NDRG2: variants seen among roughly 807,000 people sequenced by gnomAD.
NDRG2 encodes the protein NDRG family member 2.
A neutral mutation model predicts 58.2 loss-of-function variants in NDRG2; 34 were observed. The ratio of observed to expected loss-of-function variants is 0.58; its 90% CI spans 0.44 to 0.78. NDRG2 has a LOEUF of 0.78. Among genes scored for constraint, NDRG2 ranks in the 30% least tolerant of loss-of-function variants. The probability of loss-of-function intolerance (pLI) is 0.00; values close to 1 mark genes in which losing one functional copy is unlikely to be tolerated. For synonymous variants in NDRG2, 187 were observed against 175.9 expected (o/e 1.06, Z -0.50); for missense variants, 434 against 471.2 (o/e 0.92, Z 0.73).
At chr14:21,023,462 G>T (rs1881965758) in intron 1 of NDRG2, 141 bp from the exon 2 acceptor site, 1 of 687,332 alleles carries the variant, frequency 1.5e-6, no homozygotes, top group Admixed American at 2.6e-5. Context: ...AACACACAGA[G>T]GGCCTTTCCT....
intron 1 of NDRG2, chr14:21,032,483 A>G (rs1884288448): frequency 2.7e-6 from 1 of 375,470 alleles, no homozygotes; most frequent in South Asian, 2.0e-5. Flanking sequence ...GACTATGACT[A>G]TATCACATAT....
intron 1 of NDRG2, among the ~76,000 whole-genome samples, chr14:21,046,118 A>T (rs1185361755): frequency 1.3e-5 from 2 of 152,224 alleles, no homozygotes; most frequent in Non-Finnish European, 2.9e-5. Flanking sequence ...CAATTCTAAA[A>T]AGAGTAATTA....
At chr14:21,023,214 C>G in intron 2 of NDRG2, 27 bp downstream of exon 2, 1 of 1,602,312 alleles carries the variant, frequency 6.2e-7, no homozygotes. Context: ...GGAATTTGGG[C>G]ATGGGAGTCA....
rs538218638 is a variant in NDRG2 at position 21,057,174 on chromosome 14, C to T, written c.24+13654G>A. Among the ~76,000 whole-genome samples the T allele has an allele frequency of 7.8e-4, 119 of 152,282 alleles. 1 individual carries two copies. The highest frequency in any genetic ancestry group is 2.8e-3 in the African/African-American group (115 of 41,554). On this transcript the variant is annotated intron_variant, in intron 1 of 14. Transcript: ENST00000403829. ...TCTTAACCGGGCGCGGTGGCTCACG[C>T]CTGTAATCCCAGCACTTTGGGAGGC...
At chr14:21,020,943 G>T in intron 6 of NDRG2, 99 bp from the exon 7 acceptor site, 2 of 1,332,268 alleles carry the variant, frequency 1.5e-6, no homozygotes, top group Non-Finnish European at 1.1e-6. Flanking sequence ...CTGAGTCCAC[G>T]GGCACAAAGA....
chr14:21,030,784 T>C, upstream of NDRG2: 1 of 1,608,940 alleles, frequency 6.2e-7, no homozygotes, highest in Non-Finnish European at 8.5e-7. Flanking sequence ...GAGGTGGGGG[T>C]GAGAAGAACC....
chr14:21,058,045 C>T (rs752532572), intron 1 of NDRG2: 3 of 1,614,156 alleles, frequency 1.9e-6, no homozygotes, highest in Non-Finnish European at 2.5e-6. Flanking sequence ...AAGCATGCAA[C>T]TCAGCCATGA....
At chr14:21,022,308 C>T in intron 4 of NDRG2, 84 bp downstream of exon 4, 2 of 1,568,904 alleles carry the variant, frequency 1.3e-6, no homozygotes, top group Non-Finnish European at 1.8e-6. Context: ...CACACTGACC[C>T]CTCCCCTCCC....
chr14:21,065,162 T>A (rs1264905877), intron 1 of NDRG2, among the ~76,000 whole-genome samples: 1 of 146,758 alleles, frequency 6.8e-6, no homozygotes, highest in African/African-American at 2.5e-5. Context: ...TGAGCAAAAC[T>A]CCATCTCAAA....
At chr14:21,060,636 T>C (rs916639487) in intron 1 of NDRG2, among the ~76,000 whole-genome samples, 5 of 152,190 alleles carry the variant, frequency 3.3e-5, no homozygotes, top group Admixed American at 3.3e-4. Context: ...CAGTCATACA[T>C]GTCCATCTTC....
At chr14:21,059,529 C>G (rs535911056) in intron 1 of NDRG2, among the ~76,000 whole-genome samples, 114 of 151,812 alleles carry the variant, frequency 7.5e-4, no homozygotes, top group African/African-American at 2.6e-3. Context: ...GGGTCTCACT[C>G]TGTCACCCAT....
At chr14:21,065,876 A>G (rs1886236442) in intron 1 of NDRG2, among the ~76,000 whole-genome samples, 1 of 152,228 alleles carries the variant, frequency 6.6e-6, no homozygotes, top group Admixed American at 6.5e-5. Context: ...AGGTGGGCGG[A>G]TCACCTGAGG....
chr14:21,019,904 T>C lies in NDRG2; in HGVS notation c.612+16A>G. On this transcript the variant is annotated intron_variant, in intron 9 of 15. Transcript: ENST00000556147. The stretch of plus-strand genomic sequence containing the variant: ...CTGCTCCCGTCGACTCTTCTACATC[T>C]CCTACACCCACTTACCTGGCTGAAA... 1 of 1,613,732 alleles carries C rather than the reference T, an allele frequency of 6.2e-7. No individual in the cohort carries two copies. The highest frequency in any genetic ancestry group is 8.5e-7 in the Non-Finnish European group (1 of 1,179,690).
intron 1 of NDRG2, among the ~76,000 whole-genome samples, chr14:21,045,431 A>G (rs376890598): frequency 2.0e-5 from 3 of 152,370 alleles, no homozygotes; most frequent in African/African-American, 7.2e-5. Flanking sequence ...GGGATTCTTG[A>G]ATAAATCTGA....
chr14:21,024,412 G>T lies in NDRG2; in HGVS notation c.-389C>A. On this transcript the variant is annotated 5_prime_UTR_variant, in exon 1 of 16. Transcript: ENST00000556147. ...GCTCTGCCACTCCCAGTGTGACCTT[G>T]CCCCAGTTAGTTACTACATTTGGCC... The T allele has an allele frequency of 1.1e-6, 1 of 901,582 alleles. No homozygotes were observed. The highest frequency in any genetic ancestry group is 1.3e-6 in the Non-Finnish European group (1 of 753,660). The allele number at this position is 901,582 out of a possible 1,614,324, so 55.8% of individuals were successfully genotyped here.
intron 1 of NDRG2, among the ~76,000 whole-genome samples, chr14:21,062,708 A>AGT (rs71416997): frequency 0.27 from 35,660 of 130,842 alleles, 5,517 homozygotes; most frequent in East Asian, 0.4. Context: ...GGCTGGGCAC[A>AGT]GTGTGTGTGT....
At chr14:21,043,170 A>C in intron 1 of NDRG2, 1 of 1,614,198 alleles carries the variant, frequency 6.2e-7, no homozygotes, top group South Asian at 1.1e-5. Context: ...AAACATTAAC[A>C]AGCACACAAA....
At position 21,070,757 on chromosome 14, in the gene NDRG2, G is replaced by T; in HGVS notation, c.24+71C>A. On this transcript the variant is annotated intron_variant, in intron 1 of 14. Coordinates refer to the NDRG2 transcript ENST00000403829. This position sits in a 1 kb window ranked among gnomAD's most constrained non-coding sequence, Gnocchi z 4.7. ...CTCCTGGTCCGAGCTCCTTACCCGC[G>T]GGAGACCCCTGCGGGTTGGTCCTGC... The T allele has an allele frequency of 6.7e-7, 1 of 1,484,494 alleles. No homozygotes were observed. The highest frequency in any genetic ancestry group is 9.1e-7 in the Non-Finnish European group (1 of 1,101,338). 92.0% of individuals were successfully genotyped at this position (1,484,494 alleles called of 1,614,324 possible). A position where few individuals can be genotyped will look rare whatever the true frequency, so the allele number is the denominator to read the frequency against.
At chr14:21,035,632 CCT>C (rs148188123) in intron 1 of NDRG2, among the ~76,000 whole-genome samples, 3,033 of 152,192 alleles carry the variant, frequency 0.02, 108 homozygotes, top group African/African-American at 0.071. Context: ...GCTCCAACAC[CCT>C]CAGTATAGCT....
Sources: gnomAD v4.1 joint callset for allele counts (sites outside exome capture counted in the v4.1 genomes callset) on GRCh38, gnomAD v4.1.1 for gene constraint, Gnocchi (gnomAD v3.1) non-coding constraint, MANE v1.5 for transcripts, NCBI Gene and HGNC (gene_info 2026-07-23, HGNC 2026-07-21) for gene names.